Variants in NKAIN3 observed in about 807,000 individuals in gnomAD.
NKAIN3 encodes sodium/potassium-transporting ATPase subunit beta-1-interacting protein 3.
NKAIN3 carries 25 observed loss-of-function variants against 30.2 expected under a neutral mutation model. That is an observed-to-expected ratio of 0.83 (90% CI 0.60 to 1.16). The LOEUF (loss-of-function observed/expected upper bound fraction) is 1.16, where lower values mean the gene tolerates loss of function less well. Ranked by LOEUF, NKAIN3 falls within the 50% of genes most tolerant of loss-of-function variation. The probability of loss-of-function intolerance (pLI) is 0.00; values close to 1 mark genes in which losing one functional copy is unlikely to be tolerated. For synonymous variants in NKAIN3, 91 were observed against 89.6 expected (o/e 1.02, Z -0.09); for missense variants, 225 against 254.1 (o/e 0.89, Z 0.78).
chr8:62,805,282 A>G (rs1314118080), intron 4 of NKAIN3, among the ~76,000 whole-genome samples: 3 of 151,950 alleles, frequency 2.0e-5, no homozygotes, highest in African/African-American at 7.3e-5. Flanking sequence ...GCCTTTCTTC[A>G]CAGAATTGGA....
intron 1 of NKAIN3, among the ~76,000 whole-genome samples, chr8:62,540,777 T>C (rs7016380): frequency 0.044 from 6,710 of 152,050 alleles, 497 homozygotes; most frequent in African/African-American, 0.15. Flanking sequence ...CTAGATCCCA[T>C]GTCTTTTGCA....
chr8:62,870,544 A>G lies in NKAIN3; in HGVS notation c.472-47909A>G, dbSNP rs1055318919. ...ATATGTATATATGTACAATATGTAC[A>G]TATATATACTATATATACTATATAT... On this transcript the variant is annotated intron_variant, in intron 4 of 6. Transcript: ENST00000623646. Among the ~76,000 whole-genome samples, 5 of 134,176 alleles carry G rather than the reference A, an allele frequency of 3.7e-5. No homozygotes were observed. The East Asian group carries it at 6.1e-4, about 16-fold the overall frequency. 88.0% of individuals were successfully genotyped at this position (134,176 alleles called of 152,430 possible). A position where few individuals can be genotyped will look rare whatever the true frequency, so the allele number is the denominator to read the frequency against.
intron 1 of NKAIN3, among the ~76,000 whole-genome samples, chr8:62,431,992 A>G (rs936089789): frequency 2.0e-5 from 3 of 151,748 alleles, no homozygotes; most frequent in Non-Finnish European, 4.4e-5. Flanking sequence ...TCTTAGCAAA[A>G]GAAATAAAAT....
At chr8:62,716,068 T>C (rs546615855) in intron 3 of NKAIN3, among the ~76,000 whole-genome samples, 2 of 152,290 alleles carry the variant, frequency 1.3e-5, no homozygotes, top group South Asian at 2.1e-4. Flanking sequence ...ATTTAAAAAA[T>C]GGAACATCAC....
At chr8:62,807,164 T>C (rs1038167) in intron 4 of NKAIN3, among the ~76,000 whole-genome samples, 1 of 152,236 alleles carries the variant, frequency 6.6e-6, no homozygotes, top group Admixed American at 6.5e-5. Context: ...TTTGTTATAA[T>C]GTATTTCAAG....
At chr8:62,929,258 A>G (rs1245415922) in intron 5 of NKAIN3, among the ~76,000 whole-genome samples, 1 of 152,164 alleles carries the variant, frequency 6.6e-6, no homozygotes, top group African/African-American at 2.4e-5. Context: ...TAAAGGGCAG[A>G]TTGTCCCAGA....
chr8:62,368,137 A>G (rs986077858), intron 1 of NKAIN3, among the ~76,000 whole-genome samples: 1 of 151,984 alleles, frequency 6.6e-6, no homozygotes, highest in Admixed American at 6.6e-5. Context: ...TTAAATGTTC[A>G]TACTCCCCCC....
intron 1 of NKAIN3, among the ~76,000 whole-genome samples, chr8:62,419,019 C>A (rs62509256): frequency 0.14 from 20,896 of 152,066 alleles, 1,725 homozygotes; most frequent in East Asian, 0.41. Flanking sequence ...CATGACTCTA[C>A]AAGTGGGTCA....
chr8:62,561,563 T>A (rs1161957563), intron 1 of NKAIN3, among the ~76,000 whole-genome samples: 2 of 152,176 alleles, frequency 1.3e-5, no homozygotes, highest in African/African-American at 4.8e-5. Context: ...CATACTGTGG[T>A]GTAAAAATCT....
intron 1 of NKAIN3, among the ~76,000 whole-genome samples, chr8:62,364,112 T>G (rs1012996462): frequency 4.6e-5 from 7 of 152,186 alleles, no homozygotes; most frequent in Middle Eastern, 3.2e-3. Flanking sequence ...CATCAGAGTA[T>G]AAGAAAAACT....
intron 1 of NKAIN3, among the ~76,000 whole-genome samples, chr8:62,263,245 T>G (rs1812498089): frequency 6.6e-6 from 1 of 152,194 alleles, no homozygotes; most frequent in Admixed American, 6.6e-5. Flanking sequence ...TAATTTTCAT[T>G]CTACCAAATA....
At chr8:62,941,016 T>C (rs1822941437) in intron 5 of NKAIN3, among the ~76,000 whole-genome samples, 1 of 150,608 alleles carries the variant, frequency 6.6e-6, no homozygotes, top group Non-Finnish European at 1.5e-5. Context: ...ATTTGCAATA[T>C]TAACCAAGAA....
intron 1 of NKAIN3, among the ~76,000 whole-genome samples, chr8:62,375,926 C>G (rs1406022386): frequency 6.6e-6 from 1 of 152,130 alleles, no homozygotes; most frequent in Non-Finnish European, 1.5e-5. Flanking sequence ...TATACTTGCT[C>G]TTGTTCACTT....
At chr8:62,885,986 A>G (rs1331338516) in intron 4 of NKAIN3, among the ~76,000 whole-genome samples, 1 of 152,146 alleles carries the variant, frequency 6.6e-6, no homozygotes, top group Non-Finnish European at 1.5e-5. Flanking sequence ...CATTTAAAGT[A>G]ATTACTGATA....
chr8:62,549,291 C>T (rs1365281867), intron 1 of NKAIN3, among the ~76,000 whole-genome samples: 1 of 152,168 alleles, frequency 6.6e-6, no homozygotes, highest in Non-Finnish European at 1.5e-5. Flanking sequence ...AAAACGCTCA[C>T]ATCTTTAAAT....
At chr8:62,346,701 A>G (rs764073540) in intron 1 of NKAIN3, among the ~76,000 whole-genome samples, 1 of 152,102 alleles carries the variant, frequency 6.6e-6, no homozygotes, top group Non-Finnish European at 1.5e-5. Flanking sequence ...AGGTGCCACT[A>G]GAAAGGTTGA....
intron 1 of NKAIN3, among the ~76,000 whole-genome samples, chr8:62,382,475 C>T (rs911039707): frequency 1.3e-5 from 2 of 152,058 alleles, no homozygotes; most frequent in African/African-American, 2.4e-5. Context: ...TACAGAAATA[C>T]ATGATAATTT....
chr8:62,749,871 A>G lies in NKAIN3; in HGVS notation c.471+2742A>G, dbSNP rs561862312. The stretch of plus-strand genomic sequence containing the variant: ...CTAATTTTTTGTATTTTCAGTAAAG[A>G]CGGATTTCACCATTTGGCCAGGCTG... On this transcript the variant is annotated intron_variant, in intron 4 of 6. Transcript: ENST00000623646. Among the ~76,000 whole-genome samples, 11 of 151,140 alleles carry G rather than the reference A, an allele frequency of 7.3e-5. No homozygotes were observed. In the South Asian group the frequency reaches 2.3e-3, roughly 32 times the overall value.
At chr8:62,819,703 GA>G (rs147259234) in intron 4 of NKAIN3, among the ~76,000 whole-genome samples, 61 of 150,710 alleles carry the variant, frequency 4.0e-4, no homozygotes, top group African/African-American at 9.7e-4. Context: ...AAATTACTGG[GA>G]AAAAAAAATC....
Sources: gnomAD v4.1 joint callset for allele counts (sites outside exome capture counted in the v4.1 genomes callset) on GRCh38, gnomAD v4.1.1 for gene constraint, MANE v1.5 for transcripts, NCBI Gene and HGNC (gene_info 2026-07-23, HGNC 2026-07-21) for gene names.